The following ZSCAN18 variants were observed in gnomAD, a reference collection of about 807,000 sequenced individuals.
The protein encoded by ZSCAN18 is zinc finger and SCAN domain containing 18.
A neutral mutation model predicts 31.1 loss-of-function variants in ZSCAN18; 16 were observed. The observed-to-expected ratio is 0.51, with a 90% confidence interval of 0.35 to 0.78. ZSCAN18 has a LOEUF of 0.78. ZSCAN18 is among the 30% of genes least tolerant of loss of function. The probability of loss-of-function intolerance (pLI) is 0.01; values close to 1 mark genes in which losing one functional copy is unlikely to be tolerated. For missense variants in ZSCAN18, 731 were observed against 697.4 expected, an observed-to-expected ratio of 1.05 and a Z score of -0.54; for synonymous variants, 375 against 320.7, an observed-to-expected ratio of 1.17 and a Z score of -1.81.
intron 1 of ZSCAN18, chr19:58,092,694 T>G (rs1411496605): frequency 3.4e-5 from 33 of 984,354 alleles, no homozygotes; most frequent in Non-Finnish European, 3.9e-5. Context: ...TTGGAAGACA[T>G]TCTACACAAG....
chr19:58,084,945 G>A lies in ZSCAN18; in HGVS notation c.1273C>T (p.Leu425Phe). 6.3e-7 allele frequency: 1 copy of A among 1,597,808 alleles called. No homozygotes were observed. The highest frequency in any genetic ancestry group is 8.5e-7 in the Non-Finnish European group (1 of 1,174,524). Residue 425 changes from leucine (L) to phenylalanine (F), a missense_variant, in exon 7 of 7, where the codon CTC (leucine) becomes TTC (phenylalanine). By Grantham distance (22) the Leu-to-Phe change is conservative. Around this residue, in one of 4 missense-constraint regions of ZSCAN18, gnomAD observed 597 missense variants for 499.5 expected, o/e 1.20. Coordinates refer to ENST00000601144, the MANE Select transcript of ZSCAN18 (RefSeq NM_001145543.2). The surrounding 1 kb of genome is among the most constrained non-coding windows in gnomAD (Gnocchi z 4.5). ...CGECGEAFAWLSHLMEHHSSH... is the reference protein window; with the variant it reads ...CGECGEAFAWFSHLMEHHSSH... The stretch of plus-strand genomic sequence containing the variant: ...CTGTGGTGCTCCATCAGGTGCGAGA[G>A]CCACGCGAAGGCCTCCCCGCACTCG...
At chr19:58,109,002 G>T (rs1238719406) in intron 1 of ZSCAN18, 2 of 1,203,320 alleles carry the variant, frequency 1.7e-6, no homozygotes, top group Non-Finnish European at 2.1e-6. Context: ...CATGTTCACA[G>T]AAACCTGTTG....
At position 58,089,934 on chromosome 19, in the gene ZSCAN18, G is replaced by C. The variant is rs903484072; in HGVS notation, c.334C>G (p.Gln112Glu). 3.7e-6 allele frequency: 6 copies of C among 1,614,168 alleles called. No homozygotes were observed. Among genetic ancestry groups the C allele is most frequent in the Non-Finnish European group, 5.1e-6 (6 of 1,180,048 alleles). Residue 112 changes from glutamine to glutamate, a missense_variant, in exon 2 of 7, where the codon CAG becomes GAG. By Grantham distance (29) the Gln-to-Glu change is conservative. Coordinates refer to ENST00000601144, the MANE Select transcript of ZSCAN18 (RefSeq NM_001145543.2). ...PDKVRPWVVA[Q>E]YPESCKKAAS... is the part of the protein sequence containing the mutation. ...GCCTTCTTGCAGCTCTCAGGGTACT[G>C]TGCCACCACCCAGGGCCGGACCTTA...
intron 1 of ZSCAN18, among the ~76,000 whole-genome samples, chr19:58,094,671 A>C (rs1033713281): frequency 6.6e-5 from 10 of 151,770 alleles, no homozygotes; most frequent in Non-Finnish European, 5.9e-5. Context: ...TGAGCCCAGG[A>C]GCTCAAGAAC....
rs2074553190 is a variant in ZSCAN18, at chr19:58,097,982, C to A, written c.-120+192G>T. 1.7e-5 allele frequency: 17 copies of A among 985,744 alleles called. 1 individual carries two copies. In the South Asian group the frequency reaches 7.5e-4, roughly 44 times the overall value. 61.1% of individuals were successfully genotyped at this position (985,744 alleles called of 1,614,324 possible). On this transcript the variant is annotated intron_variant, in intron 1 of 6. Transcript: ENST00000601144. ...GATCTCAGCCACCTCCGGGGGGACC[C>A]GGCCCCTGCCCCGCACTCCACGCGA...
upstream of ZSCAN18, among the ~76,000 whole-genome samples, chr19:58,098,976 G>A (rs1383875873): frequency 1.3e-5 from 2 of 152,156 alleles, no homozygotes; most frequent in Non-Finnish European, 2.9e-5. Context: ...GAGGGCTTTG[G>A]CAAAGCCCCA....
In ZSCAN18 at chr19:58,107,917, T is replaced by A. The variant is rs558157468; in HGVS notation, c.130+10350A>T. ...TCCCTGAAGGCTTTGCCACACCGAT[T>A]ACACTCGTAGGGCTTCTCACCAGTA... On this transcript the variant is annotated intron_variant, in intron 1 of 1. Coordinates refer to the ZSCAN18 transcript ENST00000595721. 1.6e-5 allele frequency: 17 copies of A among 1,076,028 alleles called. No individual in the cohort carries two copies. In the African/African-American group the frequency reaches 2.8e-4, roughly 18 times the overall value. The allele number at this position is 1,076,028 out of a possible 1,614,324, so 66.7% of individuals were successfully genotyped here.
chr19:58,111,139 G>C (rs552151086), intron 1 of ZSCAN18, among the ~76,000 whole-genome samples: 68 of 151,296 alleles, frequency 4.5e-4, no homozygotes, highest in African/African-American at 1.6e-3. Context: ...CTGCACTCCA[G>C]CCTGGGCGAC....
chr19:58,096,277 A>AT (rs2074519098), intron 1 of ZSCAN18, among the ~76,000 whole-genome samples: 1 of 152,188 alleles, frequency 6.6e-6, no homozygotes, highest in East Asian at 1.9e-4. Context: ...GCCTGCTTGA[A>AT]TGAGGCCACA....
chr19:58,116,577 T>C (rs2074731695), intron 1 of ZSCAN18, among the ~76,000 whole-genome samples: 1 of 152,138 alleles, frequency 6.6e-6, no homozygotes, highest in Non-Finnish European at 1.5e-5. Context: ...CTCTATCCAC[T>C]GCCCACAACT....
At position 58,090,077 on chromosome 19, in the gene ZSCAN18, T is replaced by A; in HGVS notation, c.191A>T (p.His64Leu). 1 of 1,613,726 alleles carries A rather than the reference T, an allele frequency of 6.2e-7. No homozygotes were observed. Among genetic ancestry groups the A allele is most frequent in the Non-Finnish European group, 8.5e-7 (1 of 1,179,902 alleles). Residue 64 changes from histidine (H) to leucine (L), a missense_variant, in exon 2 of 7, where the codon CAC becomes CTC. Around this residue, in one of 4 missense-constraint regions of ZSCAN18, gnomAD observed 86 missense variants for 119.1 expected, o/e 0.72. Transcript: ENST00000601144. This position sits in a 1 kb window ranked among gnomAD's most constrained non-coding sequence, Gnocchi z 4.7. The stretch of plus-strand genomic sequence containing the variant: ...CTCATGCAGCCGGGCCAGGGTCTGG[T>A]GGGGCCCGGCAGCCTCCTGGTAGAC... ...EFVYQEAAGP[H>L]QTLARLHELC...
intron 1 of ZSCAN18, among the ~76,000 whole-genome samples, chr19:58,116,740 G>A (rs2074733280): frequency 6.6e-6 from 1 of 152,170 alleles, no homozygotes; most frequent in Admixed American, 6.5e-5. Flanking sequence ...TGAGGATTCT[G>A]CCTGTTACTG....
chr19:58,114,937 G>A (rs532379059), intron 1 of ZSCAN18, among the ~76,000 whole-genome samples: 4 of 152,302 alleles, frequency 2.6e-5, no homozygotes, highest in East Asian at 3.9e-4. Context: ...TTCAAGAGAC[G>A]GTTGTAAGTG....
chr19:58,095,427 C>T (rs937735033), intron 1 of ZSCAN18, among the ~76,000 whole-genome samples: 11 of 152,292 alleles, frequency 7.2e-5, no homozygotes, highest in Middle Eastern at 3.4e-3. Context: ...AAGGCTGGGA[C>T]CCCACCTGCA....
At chr19:58,096,107 C>A (rs1369053886) in intron 1 of ZSCAN18, among the ~76,000 whole-genome samples, 1 of 152,158 alleles carries the variant, frequency 6.6e-6, no homozygotes, top group Non-Finnish European at 1.5e-5. Flanking sequence ...CAGCGTACAT[C>A]TATAATCTCA....
At chr19:58,108,411 T>C in intron 1 of ZSCAN18, 1 of 985,500 alleles carries the variant, frequency 1.0e-6, no homozygotes, top group Non-Finnish European at 1.2e-6. Flanking sequence ...GGTCTTCCCA[T>C]ACCAATTCCT....
At position 58,085,294 on chromosome 19, in the gene ZSCAN18, C is replaced by G. The variant is rs1451386074; in HGVS notation, c.924G>C (p.Ala308=). The stretch of plus-strand genomic sequence containing the variant: ...GATCGGCAAGGGCGTCCCCAGGGGG[C>G]GCCTCCGTAGGCAGCTCAGGCAGCA... ...AGVLPELPTE[A]PPGDALADPP... The change falls in exon 7 of 7, where the codon GCG becomes GCC. Residue 308 remains alanine (A), a synonymous_variant. Transcript: ENST00000601144. 6 of 1,599,148 alleles carry G rather than the reference C, an allele frequency of 3.8e-6. No individual in the cohort carries two copies. The highest frequency in any genetic ancestry group is 4.2e-6 in the Non-Finnish European group (5 of 1,177,722).
At chr19:58,086,315 GC>G (rs1229187128) in intron 5 of ZSCAN18, 49 bp from the exon 6 acceptor site, 1 of 1,555,516 alleles carries the variant, frequency 6.4e-7, no homozygotes, top group Admixed American at 1.7e-5. Context: ...ACACAGAGTG[GC>G]TGATGGGTGT....
At chr19:58,102,756 TC>T (rs142452303), upstream of ZSCAN18, among the ~76,000 whole-genome samples, 19,103 of 152,168 alleles carry the variant, frequency 0.13, 1,349 homozygotes, top group Admixed American at 0.18. Context: ...CACTAGTCAT[TC>T]AATTCCTCCT....
Sources: gnomAD v4.1 joint callset for allele counts (sites outside exome capture counted in the v4.1 genomes callset) on GRCh38, gnomAD v4.1.1 for gene constraint, gnomAD v4.1.1 regional missense constraint, Gnocchi (gnomAD v3.1) non-coding constraint, MANE v1.5 for transcripts, NCBI Gene and HGNC (gene_info 2026-07-23, HGNC 2026-07-21) for gene names.